LRP1B: variants seen among roughly 807,000 people sequenced by gnomAD.
LRP1B encodes LDL receptor related protein 1B.
A neutral mutation model predicts 556.6 loss-of-function variants in LRP1B; 217 were observed. The ratio of observed to expected loss-of-function variants is 0.39; its 90% CI spans 0.35 to 0.44. The LOEUF (loss-of-function observed/expected upper bound fraction) is 0.44, where lower values mean the gene tolerates loss of function less well. LRP1B is among the 20% of genes least tolerant of loss of function. The pLI is 1.00. For missense variants in LRP1B, 5,053 were observed against 5,620.8 expected (o/e 0.90, Z 3.23); for synonymous variants, 2,047 against 1,865.8 (o/e 1.10, Z -2.50).
intron 27 of LRP1B, among the ~76,000 whole-genome samples, chr2:140,853,329 T>C (rs1454558000): frequency 6.6e-6 from 1 of 152,116 alleles, no homozygotes; most frequent in East Asian, 1.9e-4. Context: ...TCATACCTCC[T>C]AGCATAAAAC....
At chr2:141,084,324 C>T (rs548034393) in intron 7 of LRP1B, among the ~76,000 whole-genome samples, 17 of 152,190 alleles carry the variant, frequency 1.1e-4, no homozygotes, top group East Asian at 1.9e-4. Context: ...ACCCAGTGTG[C>T]GCATTCCCAT....
chr2:141,644,118 C>G (rs571901419), intron 2 of LRP1B, among the ~76,000 whole-genome samples: 2 of 150,876 alleles, frequency 1.3e-5, no homozygotes, highest in Non-Finnish European at 2.9e-5. Context: ...ATTCCAAAAC[C>G]CTTTTCCCCC....
intron 1 of LRP1B, among the ~76,000 whole-genome samples, chr2:142,091,443 T>C (rs1392785173): frequency 6.6e-6 from 1 of 152,092 alleles, no homozygotes; most frequent in Non-Finnish European, 1.5e-5. Context: ...AAATTATACT[T>C]CTTAGAAGTA....
chr2:141,306,580 C>G (rs563877865), intron 3 of LRP1B, among the ~76,000 whole-genome samples: 2 of 152,000 alleles, frequency 1.3e-5, no homozygotes, highest in African/African-American at 2.4e-5. Context: ...AAATAACTAA[C>G]CTTTCACTTT....
chr2:141,296,144 T>C (rs1490039007), intron 3 of LRP1B, among the ~76,000 whole-genome samples: 1 of 152,128 alleles, frequency 6.6e-6, no homozygotes, highest in African/African-American at 2.4e-5. Flanking sequence ...AAAAAAATCA[T>C]GGAATATTTT....
At chr2:141,493,906 T>C (rs1442278626) in intron 2 of LRP1B, among the ~76,000 whole-genome samples, 1 of 152,214 alleles carries the variant, frequency 6.6e-6, no homozygotes, top group Non-Finnish European at 1.5e-5. Flanking sequence ...CCTTAGTGAA[T>C]ACAAGTAAGT....
intron 2 of LRP1B, among the ~76,000 whole-genome samples, chr2:141,703,384 T>C (rs948318892): frequency 6.6e-5 from 10 of 151,896 alleles, no homozygotes; most frequent in Admixed American, 3.9e-4. Flanking sequence ...CAATGGTTAA[T>C]CTATGGCTCA....
intron 11 of LRP1B, among the ~76,000 whole-genome samples, chr2:141,044,908 TC>T (rs1698821261): frequency 6.6e-6 from 1 of 151,334 alleles, no homozygotes; most frequent in Non-Finnish European, 1.5e-5. Flanking sequence ...GACCCAGCCA[TC>T]CCATTACTGG....
At chr2:140,630,478 C>A (rs2105275213) in intron 41 of LRP1B, among the ~76,000 whole-genome samples, 1 of 152,238 alleles carries the variant, frequency 6.6e-6, no homozygotes, top group Non-Finnish European at 1.5e-5. Context: ...ATCAGCTCAC[C>A]AGGAGAACAA....
At chr2:140,986,063 T>C (rs556928577) in intron 17 of LRP1B, among the ~76,000 whole-genome samples, 1 of 151,898 alleles carries the variant, frequency 6.6e-6, no homozygotes, top group East Asian at 1.9e-4. Flanking sequence ...AATTATTTTA[T>C]ATTTTATACT....
chr2:141,461,489 T>C (rs774955891), intron 3 of LRP1B, among the ~76,000 whole-genome samples: 5 of 152,176 alleles, frequency 3.3e-5, no homozygotes, highest in Non-Finnish European at 5.9e-5. Context: ...TGAAAGTCTA[T>C]ATATACACAT....
At chr2:141,563,728 A>T (rs1307900281) in intron 2 of LRP1B, among the ~76,000 whole-genome samples, 1 of 152,112 alleles carries the variant, frequency 6.6e-6, no homozygotes, top group African/African-American at 2.4e-5. Flanking sequence ...TTGCAGCAAC[A>T]TGGTTGCAGC....
At chr2:141,115,704 G>A (rs1041975443) in intron 7 of LRP1B, among the ~76,000 whole-genome samples, 4 of 150,930 alleles carry the variant, frequency 2.7e-5, no homozygotes, top group Admixed American at 2.6e-4. Context: ...GGACGGTCTC[G>A]ATCTCCTGAC....
intron 3 of LRP1B, among the ~76,000 whole-genome samples, chr2:141,308,615 G>C (rs1686689743): frequency 6.6e-6 from 1 of 152,004 alleles, no homozygotes; most frequent in Non-Finnish European, 1.5e-5. Context: ...ATATTTTTCT[G>C]AGCAGTTAAT....
intron 66 of LRP1B, among the ~76,000 whole-genome samples, chr2:140,425,388 T>C (rs1185896094): frequency 6.6e-6 from 1 of 152,096 alleles, no homozygotes; most frequent in South Asian, 2.1e-4. Context: ...GATTCAATTA[T>C]CTGTTCACCC....
intron 20 of LRP1B, among the ~76,000 whole-genome samples, chr2:140,937,539 C>CA (rs1695266109): frequency 6.6e-6 from 1 of 151,998 alleles, no homozygotes; most frequent in African/African-American, 2.4e-5. Context: ...GATGCTTGTA[C>CA]AACAATATGA....
chr2:140,741,385 TAAGATC>T (rs1688132568), intron 35 of LRP1B, among the ~76,000 whole-genome samples: 1 of 152,028 alleles, frequency 6.6e-6, no homozygotes, highest in Admixed American at 6.6e-5. Flanking sequence ...TAGAAGAGAT[TAAGATC>T]AAGTTGCCAA....
intron 1 of LRP1B, among the ~76,000 whole-genome samples, chr2:141,847,041 C>T (rs1425464354): frequency 6.6e-6 from 1 of 151,434 alleles, no homozygotes; most frequent in Non-Finnish European, 1.5e-5. Context: ...AGAGGTATGA[C>T]TGTTCTTTGT....
intron 31 of LRP1B, among the ~76,000 whole-genome samples, chr2:140,829,258 T>A (rs1053261337): frequency 6.6e-6 from 1 of 152,162 alleles, no homozygotes; most frequent in Non-Finnish European, 1.5e-5. Flanking sequence ...ACAGTGATGT[T>A]AAACTACACT....
Sources: gnomAD v4.1 joint callset for allele counts (sites outside exome capture counted in the v4.1 genomes callset) on GRCh38, gnomAD v4.1.1 for gene constraint, MANE v1.5 for transcripts, NCBI Gene and HGNC (gene_info 2026-07-23, HGNC 2026-07-21) for gene names.